Variants in ZPBP observed in about 807,000 individuals in gnomAD.
ZPBP encodes zona pellucida binding protein.
ZPBP carries 26 observed loss-of-function variants against 44.8 expected under a neutral mutation model. The ratio of observed to expected loss-of-function variants is 0.58; its 90% CI spans 0.43 to 0.81. The LOEUF (loss-of-function observed/expected upper bound fraction) is 0.81. Ranked by LOEUF, ZPBP falls within the 30% of genes least tolerant of loss-of-function variation. ZPBP has a pLI of 0.00. For synonymous variants in ZPBP, 174 were observed against 153.2 expected (o/e 1.14, Z -1.00); for missense variants, 409 against 434.0 (o/e 0.94, Z 0.51).
At chr7:49,990,938 G>A (rs1420152659) in intron 6 of ZPBP, among the ~76,000 whole-genome samples, 1 of 152,102 alleles carries the variant, frequency 6.6e-6, no homozygotes, top group African/African-American at 2.4e-5. Context: ...TTTAGGATAG[G>A]CAACAGATAT....
At chr7:49,851,988 C>T (rs1790198980) in intron 2 of ZPBP, among the ~76,000 whole-genome samples, 1 of 152,208 alleles carries the variant, frequency 6.6e-6, no homozygotes, top group Admixed American at 6.5e-5. Flanking sequence ...AAGATGGCAT[C>T]CTCATCCCCT....
Position 49,937,481 on chromosome 7 carries a change from T to C in ZPBP, c.*47A>G. The C allele has an allele frequency of 7.4e-7, 1 of 1,348,202 alleles. No individual in the cohort carries two copies. Among genetic ancestry groups the C allele is most frequent in the Admixed American group, 1.7e-5 (1 of 59,406 alleles). The allele number at this position is 1,348,202 out of a possible 1,614,324, so 83.5% of individuals were successfully genotyped here. A position where few individuals can be genotyped will look rare whatever the true frequency, so the allele number is the denominator to read the frequency against. Reference sequence around the variant, plus strand: ...TAATTTATTATGTTAATATTTCAAATATATACTTTGCATTTAATAAACCAC... The same window carrying C: ...TAATTTATTATGTTAATATTTCAAACATATACTTTGCATTTAATAAACCAC... On this transcript the variant is annotated 3_prime_UTR_variant, in exon 8 of 8. Transcript: ENST00000046087.
At chr7:49,869,661 A>G (rs919011562) in intron 2 of ZPBP, among the ~76,000 whole-genome samples, 1 of 152,142 alleles carries the variant, frequency 6.6e-6, no homozygotes, top group Non-Finnish European at 1.5e-5. Context: ...AAATTAAGAA[A>G]CCTGCCAATA....
intron 4 of ZPBP, among the ~76,000 whole-genome samples, chr7:50,048,910 A>C (rs554983761): frequency 8.3e-4 from 126 of 152,192 alleles, no homozygotes; most frequent in African/African-American, 3.0e-3. Flanking sequence ...TTTTTAAGAA[A>C]TCAACAGAAT....
intron 7 of ZPBP, among the ~76,000 whole-genome samples, chr7:49,941,332 T>C (rs558236472): frequency 5.4e-4 from 82 of 152,274 alleles, no homozygotes; most frequent in Non-Finnish European, 1.1e-3. Flanking sequence ...TAGGAAGTAT[T>C]GCATATCCAT....
chr7:50,031,767 T>C (rs915098356), intron 4 of ZPBP, among the ~76,000 whole-genome samples: 2 of 152,132 alleles, frequency 1.3e-5, no homozygotes, highest in African/African-American at 2.4e-5. Context: ...TTCAAAAATA[T>C]ATGTTTCTAA....
chr7:50,089,957 T>C (rs1229923340), intron 1 of ZPBP, among the ~76,000 whole-genome samples: 1 of 152,110 alleles, frequency 6.6e-6, no homozygotes, highest in Non-Finnish European at 1.5e-5. Context: ...TCTTCATTAT[T>C]AGAAGTTCAA....
chr7:50,031,064 G>T, intron 5 of ZPBP, 28 bp downstream of exon 5: 1 of 1,598,728 alleles, frequency 6.3e-7, no homozygotes, highest in Non-Finnish European at 8.6e-7. Context: ...TTCTCCATTT[G>T]CTTTTCTAAC....
chr7:49,934,977 T>C (rs1794572543), downstream of ZPBP, among the ~76,000 whole-genome samples: 1 of 152,166 alleles, frequency 6.6e-6, no homozygotes, highest in African/African-American at 2.4e-5. Flanking sequence ...AGGTATTATT[T>C]GGATGCAAAT....
chr7:50,000,645 G>C (rs1036866215), intron 6 of ZPBP, among the ~76,000 whole-genome samples: 1 of 152,096 alleles, frequency 6.6e-6, no homozygotes, highest in Admixed American at 6.6e-5. Context: ...CATTAACCCA[G>C]CAAATCTCAG....
At chr7:50,071,420 T>G (rs1054761835) in intron 3 of ZPBP, among the ~76,000 whole-genome samples, 1 of 152,188 alleles carries the variant, frequency 6.6e-6, no homozygotes, top group Non-Finnish European at 1.5e-5. Context: ...CCAAGTAAAC[T>G]TGAAAGGCAA....
intron 1 of ZPBP, among the ~76,000 whole-genome samples, chr7:49,927,565 A>G (rs751396683): frequency 6.6e-6 from 1 of 152,114 alleles, no homozygotes; most frequent in Non-Finnish European, 1.5e-5. Flanking sequence ...TCACAAAAAC[A>G]CCATTGACCA....
At chr7:50,051,550 G>A (rs555854248) in intron 4 of ZPBP, among the ~76,000 whole-genome samples, 2 of 152,174 alleles carry the variant, frequency 1.3e-5, no homozygotes, top group South Asian at 4.1e-4. Flanking sequence ...GAAAGACATG[G>A]AATCAACCCA....
chr7:49,987,020 G>A (rs748171741), intron 6 of ZPBP, among the ~76,000 whole-genome samples: 15 of 152,118 alleles, frequency 9.9e-5, no homozygotes, highest in Non-Finnish European at 2.1e-4. Flanking sequence ...TTACAGCGGC[G>A]GCCTGGGTTC....
chr7:49,904,347 A>C (rs1792962500), intron 1 of ZPBP, among the ~76,000 whole-genome samples: 1 of 152,230 alleles, frequency 6.6e-6, no homozygotes, highest in African/African-American at 2.4e-5. Flanking sequence ...TGGGAAAAAA[A>C]CTGAGTGAAG....
chr7:49,940,451 A>G (rs1794825389), intron 7 of ZPBP, among the ~76,000 whole-genome samples: 1 of 152,094 alleles, frequency 6.6e-6, no homozygotes, highest in Admixed American at 6.6e-5. Flanking sequence ...ACAAAAGAGT[A>G]CTCAAATTAG....
intron 6 of ZPBP, among the ~76,000 whole-genome samples, chr7:49,988,756 A>C (rs2128786349): frequency 6.6e-6 from 1 of 152,340 alleles, no homozygotes; most frequent in East Asian, 1.9e-4. Context: ...GTGACATTGG[A>C]ATAAAGGAAA....
chr7:49,895,017 A>G (rs1792315109), intron 2 of ZPBP, among the ~76,000 whole-genome samples: 1 of 152,172 alleles, frequency 6.6e-6, no homozygotes, highest in South Asian at 2.1e-4. Context: ...CTGATACTAT[A>G]TGTCTAAGTC....
intron 1 of ZPBP, chr7:49,912,120 G>A: frequency 6.2e-7 from 1 of 1,614,142 alleles, no homozygotes; most frequent in Non-Finnish European, 8.5e-7. Context: ...CTGTACTTAT[G>A]AGGAAGGCAC....
Sources: allele counts gnomAD v4.1 joint callset (sites outside exome capture counted in the v4.1 genomes callset), GRCh38; gene constraint gnomAD v4.1.1; transcripts MANE v1.5; gene names NCBI Gene and HGNC (gene_info 2026-07-23, HGNC 2026-07-21).